Variants in PACS1 observed in about 807,000 individuals in gnomAD.
PACS1 encodes the protein phosphofurin acidic cluster sorting protein 1.
In PACS1, 24 loss-of-function variants were observed where a neutral mutation model predicts 115.0. The ratio of observed to expected loss-of-function variants is 0.21; its 90% CI spans 0.15 to 0.29. The LOEUF (loss-of-function observed/expected upper bound fraction) is 0.29, where lower values mean the gene tolerates loss of function less well. PACS1 is among the 10% of genes least tolerant of loss of function. The pLI is 1.00. For synonymous variants in PACS1, 453 were observed against 504.5 expected, an observed-to-expected ratio of 0.90 and a Z score of 1.37; for missense variants, 838 against 1,251.2, an observed-to-expected ratio of 0.67 and a Z score of 4.98.
chr11:66,083,871 T>G (rs1254741378), intron 1 of PACS1: 2 of 152,256 alleles, frequency 1.3e-5, no homozygotes, highest in Non-Finnish European at 2.9e-5. Context: ...TCACTTGGCT[T>G]TACCCCACCA....
intron 21 of PACS1, among the ~76,000 whole-genome samples, chr11:66,239,934 T>A (rs1855777920): frequency 6.6e-6 from 1 of 152,214 alleles, no homozygotes. Context: ...GGCCGGAGGA[T>A]CGCTTGAGCC....
At chr11:66,126,638 A>T (rs909232161) in intron 1 of PACS1, among the ~76,000 whole-genome samples, 1 of 134,288 alleles carries the variant, frequency 7.4e-6, no homozygotes, top group African/African-American at 2.8e-5. Context: ...TTTTGACACC[A>T]TTGGGAATTT....
At chr11:66,086,000 G>C (rs1016835915) in intron 1 of PACS1, among the ~76,000 whole-genome samples, 32 of 152,202 alleles carry the variant, frequency 2.1e-4, no homozygotes, top group Non-Finnish European at 3.8e-4. Context: ...CTGGCGATAT[G>C]ATTTTCTAAA....
At chr11:66,224,498 T>C (rs2134725399) in intron 10 of PACS1, among the ~76,000 whole-genome samples, 1 of 152,358 alleles carries the variant, frequency 6.6e-6, no homozygotes, top group Non-Finnish European at 1.5e-5. Flanking sequence ...GCACTGCTCA[T>C]TGCTCACCGA....
At chr11:66,158,161 G>A (rs1357813819) in intron 1 of PACS1, among the ~76,000 whole-genome samples, 1 of 152,160 alleles carries the variant, frequency 6.6e-6, no homozygotes, top group Middle Eastern at 3.2e-3. Flanking sequence ...TAGAGACAAG[G>A]TTTTGCCATG....
intron 1 of PACS1, among the ~76,000 whole-genome samples, chr11:66,072,509 C>G (rs1170865609): frequency 6.6e-6 from 1 of 152,108 alleles, no homozygotes; most frequent in East Asian, 1.9e-4. Context: ...CATCACTTAA[C>G]AGATTTACAC....
intron 1 of PACS1, among the ~76,000 whole-genome samples, chr11:66,130,754 C>T (rs574563016): frequency 1.3e-5 from 2 of 152,178 alleles, no homozygotes; most frequent in Non-Finnish European, 2.9e-5. Context: ...TGACAGACAC[C>T]TTATTTGTTC....
At chr11:66,093,095 A>G (rs934511294) in intron 1 of PACS1, among the ~76,000 whole-genome samples, 4 of 151,996 alleles carry the variant, frequency 2.6e-5, no homozygotes, top group African/African-American at 9.7e-5. Context: ...GAATCTATAA[A>G]TTACCTTGGG....
At chr11:66,202,107 C>T (rs538359112) in intron 2 of PACS1, among the ~76,000 whole-genome samples, 1 of 152,250 alleles carries the variant, frequency 6.6e-6, no homozygotes, top group South Asian at 2.1e-4. Context: ...CTATGAGCAG[C>T]TATATACCGA....
At chr11:66,110,397 G>C (rs544057818) in intron 1 of PACS1, among the ~76,000 whole-genome samples, 2 of 151,988 alleles carry the variant, frequency 1.3e-5, no homozygotes, top group Non-Finnish European at 2.9e-5. Context: ...CTGCAGCCTC[G>C]CCCTCCTGGG....
intron 19 of PACS1, among the ~76,000 whole-genome samples, chr11:66,237,395 T>G (rs1251765714): frequency 6.6e-6 from 1 of 152,198 alleles, no homozygotes; most frequent in Non-Finnish European, 1.5e-5. Flanking sequence ...TCCTTGAGGC[T>G]CCCTCGTAGC....
intron 1 of PACS1, among the ~76,000 whole-genome samples, chr11:66,118,769 C>CAA (rs397945291): frequency 0.015 from 1,256 of 83,444 alleles, 45 homozygotes; most frequent in South Asian, 0.029. Context: ...CCCATGTCTA[C>CAA]AAAAAAAAAA....
At chr11:66,118,506 G>A (rs1858359935) in intron 1 of PACS1, among the ~76,000 whole-genome samples, 1 of 152,112 alleles carries the variant, frequency 6.6e-6, no homozygotes, top group Admixed American at 6.6e-5. Flanking sequence ...CAGCTCCTTG[G>A]GAGGCTGAGG....
At chr11:66,211,022 C>T (rs1855059058) in intron 3 of PACS1, 112 bp from the exon 4 acceptor site, 1 of 1,263,396 alleles carries the variant, frequency 7.9e-7, no homozygotes, top group Non-Finnish European at 1.1e-6. Flanking sequence ...CCCTGACTGC[C>T]CCCTTTTAGA....
At chr11:66,216,012 A>G in intron 4 of PACS1, 107 bp from the exon 5 acceptor site, 1 of 914,120 alleles carries the variant, frequency 1.1e-6, no homozygotes, top group Admixed American at 2.4e-5. Context: ...AAGGAAGAAA[A>G]CGTATCAGCA....
At chr11:66,208,367 C>G (rs1184052354) in intron 2 of PACS1, among the ~76,000 whole-genome samples, 2 of 152,092 alleles carry the variant, frequency 1.3e-5, no homozygotes, top group Admixed American at 6.5e-5. Flanking sequence ...TCTGTAATCC[C>G]AGCACTTTGG....
chr11:66,160,247 C>T (rs1253831247), intron 1 of PACS1, among the ~76,000 whole-genome samples: 1 of 152,200 alleles, frequency 6.6e-6, no homozygotes, highest in African/African-American at 2.4e-5. Flanking sequence ...TCCTGGCTGA[C>T]ACCTACTAGC....
intron 4 of PACS1, among the ~76,000 whole-genome samples, chr11:66,214,976 A>G (rs1291820930): frequency 6.6e-6 from 1 of 151,880 alleles, no homozygotes; most frequent in Non-Finnish European, 1.5e-5. Context: ...TCTGTGACCC[A>G]GGCTGGAGTG....
chr11:66,101,711 T>C (rs1237651021), intron 1 of PACS1, among the ~76,000 whole-genome samples: 1 of 152,140 alleles, frequency 6.6e-6, no homozygotes, highest in Non-Finnish European at 1.5e-5. Context: ...AATGAGTATT[T>C]TTTTATATGC....
Sources: gnomAD v4.1 joint callset for allele counts (sites outside exome capture counted in the v4.1 genomes callset) on GRCh38, gnomAD v4.1.1 for gene constraint, MANE v1.5 for transcripts, NCBI Gene and HGNC (gene_info 2026-07-23, HGNC 2026-07-21) for gene names.